Variants in PARD3 observed in about 807,000 individuals in gnomAD.
The protein encoded by PARD3 is par-3 family cell polarity regulator, also known as partitioning defective 3 homolog.
Under a neutral mutation model 155.4 loss-of-function variants are expected in PARD3, and 75 were observed. That is an observed-to-expected ratio of 0.48 (90% CI 0.40 to 0.58). PARD3 has a LOEUF of 0.58. PARD3 is among the 20% of genes least tolerant of loss of function. PARD3 has a pLI of 0.00. For missense variants in PARD3, 1,642 were observed against 1,721.7 expected (o/e 0.95, Z 0.82); for synonymous variants, 576 against 610.5 (o/e 0.94, Z 0.83).
intron 8 of PARD3, 39 bp from the exon 9 acceptor site, chr10:34,382,961 C>T: frequency 3.1e-6 from 5 of 1,604,080 alleles, no homozygotes; most frequent in Non-Finnish European, 4.3e-6. Context: ...CAAATTAAGA[C>T]TGGCAGACTA....
At chr10:34,629,453 G>GCACACA (rs138413704) in intron 2 of PARD3, among the ~76,000 whole-genome samples, 1 of 151,898 alleles carries the variant, frequency 6.6e-6, no homozygotes, top group Non-Finnish European at 1.5e-5. Context: ...GTGTGCATGT[G>GCACACA]CACACACACA....
At position 34,378,039 on chromosome 10, in the gene PARD3, A is replaced by T; in HGVS notation, c.1467T>A (p.Tyr489Ter). Residue 489 changes from tyrosine to a stop codon, truncating the protein, a stop_gained, in exon 10 of 25, where the codon TAT becomes TAA. Coordinates refer to ENST00000374788, the MANE Select transcript of PARD3 (RefSeq NM_001184785.2). LOFTEE classifies it high-confidence loss of function. ...DVTIGGSAPIYVKNILPRGAA... is the reference protein window; with the variant it reads ...DVTIGGSAPI Reference sequence around the variant, plus strand: ...CCCCCCGGGGGAGAATGTTTTTCACATAGATTGGAGCTGAGCCACCTATTG... The same window carrying T: ...CCCCCCGGGGGAGAATGTTTTTCACTTAGATTGGAGCTGAGCCACCTATTG... 6.3e-7 allele frequency: 1 copy of T among 1,595,506 alleles called. No homozygotes were observed. The highest frequency in any genetic ancestry group is 8.5e-7 in the Non-Finnish European group (1 of 1,172,522).
intron 5 of PARD3, among the ~76,000 whole-genome samples, chr10:34,428,024 G>C (rs1422338030): frequency 6.6e-6 from 1 of 152,058 alleles, no homozygotes; most frequent in Admixed American, 6.6e-5. Flanking sequence ...GTAGACCAAG[G>C]CTCTTGCAAG....
At chr10:34,388,263 A>G (rs1842543228) in intron 7 of PARD3, among the ~76,000 whole-genome samples, 1 of 152,230 alleles carries the variant, frequency 6.6e-6, no homozygotes, top group Non-Finnish European at 1.5e-5. Context: ...GAATGGATTA[A>G]TTTAAAAGGA....
rs201664669 is a variant in PARD3 at position 34,805,564 on chromosome 10, T to C, written c.120+9312A>G. Reference sequence around the variant, plus strand: ...GTGCATATATATATATATATATATATATACACCGTACAGTTCGTATCATGC... The same window carrying C: ...GTGCATATATATATATATATATATACATACACCGTACAGTTCGTATCATGC... On this transcript the variant is annotated intron_variant, in intron 1 of 24. Coordinates refer to ENST00000374788, the MANE Select transcript of PARD3 (RefSeq NM_001184785.2). 3.8e-3 allele frequency among the ~76,000 whole-genome samples: 560 copies of C among 147,330 alleles called. 2 individuals are homozygous for C. Among genetic ancestry groups the C allele is most frequent in the East Asian group, 0.017 (88 of 5,078 alleles).
chr10:34,125,881 G>A (rs1231473710), intron 23 of PARD3, among the ~76,000 whole-genome samples: 4 of 152,174 alleles, frequency 2.6e-5, no homozygotes, highest in South Asian at 4.1e-4. Flanking sequence ...TCTATCAGTC[G>A]TCTCAGCCAG....
chr10:34,609,158 T>C lies in PARD3; in HGVS notation c.222+87160A>G, dbSNP rs150306615. Reference sequence around the variant, plus strand: ...CAGTATTTCCTCTAAAGCAATGGCATAGACATCTTTAAAACTAACAATTCT... The same window carrying C: ...CAGTATTTCCTCTAAAGCAATGGCACAGACATCTTTAAAACTAACAATTCT... On this transcript the variant is annotated intron_variant, in intron 2 of 24. Transcript: ENST00000374788. Among the ~76,000 whole-genome samples the C allele has an allele frequency of 1.8e-3, 276 of 152,346 alleles. 1 individual carries two copies. The highest frequency in any genetic ancestry group is 6.2e-3 in the African/African-American group (256 of 41,586).
At chr10:34,671,132 G>A (rs147914501) in intron 2 of PARD3, among the ~76,000 whole-genome samples, 1 of 152,138 alleles carries the variant, frequency 6.6e-6, no homozygotes, top group Non-Finnish European at 1.5e-5. Context: ...AGAAATAAGC[G>A]TTTAGGCTGC....
rs1474655971 is a variant in PARD3, at chr10:34,723,113, G to T, written c.121-26694C>A. On this transcript the variant is annotated intron_variant, in intron 1 of 24. Coordinates refer to ENST00000374788, the MANE Select transcript of PARD3 (RefSeq NM_001184785.2). ...AATTCCAGCACTTTGGGAGGCTGAG[G>T]TGGGAGATCACCTGAGCTCAGGAGT... Among the ~76,000 whole-genome samples the T allele has an allele frequency of 2.0e-5, 3 of 152,078 alleles. 1 individual carries two copies. Among genetic ancestry groups the T allele is most frequent in the Non-Finnish European group, 4.4e-5 (3 of 68,014 alleles).
At chr10:34,775,778 A>G (rs117022900) in intron 1 of PARD3, among the ~76,000 whole-genome samples, 2,344 of 152,374 alleles carry the variant, frequency 0.015, 29 homozygotes, top group Middle Eastern at 0.051. Context: ...AAATTTGTAC[A>G]GAATCAAGAT....
chr10:34,332,433 G>A (rs111700540), intron 18 of PARD3, among the ~76,000 whole-genome samples: 1 of 152,118 alleles, frequency 6.6e-6, no homozygotes, highest in African/African-American at 2.4e-5. Flanking sequence ...AAAATAGAGG[G>A]TAGGAGAAAC....
chr10:34,367,860 C>G (rs1037544906), intron 12 of PARD3, among the ~76,000 whole-genome samples: 6 of 152,214 alleles, frequency 3.9e-5, no homozygotes, highest in African/African-American at 1.4e-4. Flanking sequence ...AAGATGGCTT[C>G]TGACCTTCAA....
intron 1 of PARD3, among the ~76,000 whole-genome samples, chr10:34,735,498 G>A (rs1464671838): frequency 2.6e-5 from 4 of 152,154 alleles, no homozygotes; most frequent in Non-Finnish European, 5.9e-5. Flanking sequence ...TTCTGTCCCT[G>A]CTCCTTGAAT....
At chr10:34,429,530 A>G (rs1317553371) in intron 5 of PARD3, among the ~76,000 whole-genome samples, 2 of 151,536 alleles carry the variant, frequency 1.3e-5, no homozygotes, top group African/African-American at 4.9e-5. Context: ...TGGGTAGCTA[A>G]GAATACAGCC....
At chr10:34,616,058 C>T (rs1189685728) in intron 2 of PARD3, among the ~76,000 whole-genome samples, 1 of 152,124 alleles carries the variant, frequency 6.6e-6, no homozygotes, top group Non-Finnish European at 1.5e-5. Context: ...AAATAAAAAG[C>T]CTGTAATTCT....
chr10:34,516,902 G>C, intron 3 of PARD3, 77 bp downstream of exon 3: 1 of 1,318,056 alleles, frequency 7.6e-7, no homozygotes, highest in Non-Finnish European at 1.1e-6. Context: ...CCATTTACAG[G>C]GTCATGGATG....
chr10:34,626,577 C>T (rs1299217512), intron 2 of PARD3, among the ~76,000 whole-genome samples: 3 of 152,124 alleles, frequency 2.0e-5, no homozygotes, highest in Non-Finnish European at 4.4e-5. Flanking sequence ...TCTCTGAAAC[C>T]ACTCACAGGG....
chr10:34,526,864 A>G (rs1299208204), intron 2 of PARD3, among the ~76,000 whole-genome samples: 2 of 152,166 alleles, frequency 1.3e-5, no homozygotes, highest in Non-Finnish European at 2.9e-5. Context: ...CTCTACCATC[A>G]AGTAATACCA....
At chr10:34,174,364 T>C (rs1219168541) in intron 22 of PARD3, among the ~76,000 whole-genome samples, 1 of 152,180 alleles carries the variant, frequency 6.6e-6, no homozygotes, top group Non-Finnish European at 1.5e-5. Flanking sequence ...AGATAAGATG[T>C]ACACACATAA....
Sources: gnomAD v4.1 joint callset for allele counts (sites outside exome capture counted in the v4.1 genomes callset) on GRCh38, gnomAD v4.1.1 for gene constraint, MANE v1.5 for transcripts, NCBI Gene and HGNC (gene_info 2026-07-23, HGNC 2026-07-21) for gene names.